The following KAZN variants were observed in gnomAD, a reference collection of about 807,000 sequenced individuals.
KAZN encodes kazrin.
KAZN carries 40 observed loss-of-function variants against 87.4 expected under a neutral mutation model. The observed-to-expected ratio is 0.46, with a 90% CI of 0.36 to 0.60. The LOEUF is 0.60. Among genes scored for constraint, KAZN ranks in the 20% least tolerant of loss-of-function variants. KAZN has a pLI of 0.00. For missense variants in KAZN, 898 were observed against 1,073.9 expected (o/e 0.84, Z 2.29); for synonymous variants, 466 against 458.3 (o/e 1.02, Z -0.22).
intron 1 of KAZN, among the ~76,000 whole-genome samples, chr1:14,147,690 G>T (rs557219564): frequency 6.6e-6 from 1 of 151,972 alleles, no homozygotes; most frequent in Admixed American, 6.5e-5. Flanking sequence ...CAGCTACTCG[G>T]CAGGCTGAGG....
At chr1:14,679,234 G>A (rs1338552420) in intron 1 of KAZN, among the ~76,000 whole-genome samples, 2 of 152,110 alleles carry the variant, frequency 1.3e-5, no homozygotes, top group Admixed American at 1.3e-4. Context: ...GGGTCGGTTA[G>A]CAGGCTGAAG....
intron 1 of KAZN, among the ~76,000 whole-genome samples, chr1:14,894,391 T>C (rs1172349210): frequency 6.6e-6 from 1 of 152,244 alleles, no homozygotes; most frequent in Non-Finnish European, 1.5e-5. Flanking sequence ...CTGAATCACT[T>C]TGTGCCTCAG....
intron 2 of KAZN, among the ~76,000 whole-genome samples, chr1:14,234,378 G>A (rs544917498): frequency 6.7e-6 from 1 of 148,444 alleles, no homozygotes; most frequent in Non-Finnish European, 1.5e-5. Context: ...CACAGGGAGG[G>A]GAACATCACA....
chr1:14,572,367 A>C (rs1490306692), intron 2 of KAZN, among the ~76,000 whole-genome samples: 1 of 152,190 alleles, frequency 6.6e-6, no homozygotes, highest in Non-Finnish European at 1.5e-5. Flanking sequence ...TTCAGAACCC[A>C]AGGGAAGAAG....
chr1:14,271,224 C>T (rs1380986815), intron 2 of KAZN, among the ~76,000 whole-genome samples: 1 of 152,200 alleles, frequency 6.6e-6, no homozygotes, highest in Non-Finnish European at 1.5e-5. Context: ...CTCATGACCT[C>T]ATTTTACCTT....
chr1:14,817,245 T>C (rs1044591342), intron 1 of KAZN, among the ~76,000 whole-genome samples: 1 of 152,178 alleles, frequency 6.6e-6, no homozygotes, highest in Non-Finnish European at 1.5e-5. Flanking sequence ...CCCTGCCAAA[T>C]ATGAGCTCCA....
chr1:14,420,651 G>A (rs534680154), intron 2 of KAZN, among the ~76,000 whole-genome samples: 13 of 152,368 alleles, frequency 8.5e-5, no homozygotes, highest in South Asian at 4.1e-4. Context: ...CTGCCATGCC[G>A]GGAGGCAGTT....
At chr1:14,757,650 C>A (rs533339237) in intron 1 of KAZN, among the ~76,000 whole-genome samples, 7 of 152,264 alleles carry the variant, frequency 4.6e-5, no homozygotes, top group African/African-American at 1.7e-4. Flanking sequence ...AAAACTGCTG[C>A]TTTTTAGGAA....
At chr1:14,420,623 C>T (rs550736226) in intron 2 of KAZN, among the ~76,000 whole-genome samples, 322 of 152,326 alleles carry the variant, frequency 2.1e-3, no homozygotes, top group Admixed American at 4.4e-3. Flanking sequence ...AGGCATGGCC[C>T]GCTGCAGGTC....
intron 1 of KAZN, among the ~76,000 whole-genome samples, chr1:14,618,219 C>T (rs947381735): frequency 1.3e-5 from 2 of 152,282 alleles, no homozygotes; most frequent in East Asian, 1.9e-4. Context: ...ATGGCCCCAG[C>T]CCCGGCGTGT....
chr1:15,072,859 A>G (rs1348475243), intron 8 of KAZN, among the ~76,000 whole-genome samples: 2 of 152,162 alleles, frequency 1.3e-5, no homozygotes, highest in Non-Finnish European at 2.9e-5. Context: ...GCTGAGCAAT[A>G]GAAAGCTTCA....
intron 1 of KAZN, among the ~76,000 whole-genome samples, chr1:14,905,736 C>T (rs888874704): frequency 3.3e-5 from 5 of 151,040 alleles, no homozygotes; most frequent in Admixed American, 2.0e-4. Flanking sequence ...CCCGGCTACT[C>T]GGGAGGCTGA....
At chr1:14,512,812 T>C (rs923635088) in intron 2 of KAZN, among the ~76,000 whole-genome samples, 1 of 152,180 alleles carries the variant, frequency 6.6e-6, no homozygotes, top group Non-Finnish European at 1.5e-5. Context: ...ATGGCAGTAT[T>C]TGCAGAGAGG....
At position 15,117,831 on chromosome 1, in the gene KAZN, G is replaced by A. The variant is rs1641894136; in HGVS notation, c.*3196G>A. ...TGCTGTGAAAGGAAAGGAGAAGAAAGCCTGTGGGCAATGGCAACCTCTGAG... is the reference window on the plus strand; with the variant it reads ...TGCTGTGAAAGGAAAGGAGAAGAAAACCTGTGGGCAATGGCAACCTCTGAG... On this transcript the variant is annotated 3_prime_UTR_variant, in exon 15 of 15. Coordinates refer to ENST00000376030, the MANE Select transcript of KAZN (RefSeq NM_201628.3). 1.3e-5 allele frequency: 2 copies of A among 152,404 alleles called. No individual in the cohort carries two copies. The highest frequency in any genetic ancestry group is 4.1e-4 in the South Asian group (2 of 4,824). 9.4% of individuals were successfully genotyped at this position (152,404 alleles called of 1,614,324 possible).
At chr1:14,557,103 G>C (rs1005433660) in intron 2 of KAZN, among the ~76,000 whole-genome samples, 1 of 151,986 alleles carries the variant, frequency 6.6e-6, no homozygotes, top group African/African-American at 2.4e-5. Context: ...ATCTGCCCTA[G>C]GACCAACAAA....
intron 2 of KAZN, among the ~76,000 whole-genome samples, chr1:14,226,718 G>A (rs1647326621): frequency 1.3e-5 from 2 of 152,134 alleles, no homozygotes; most frequent in African/African-American, 4.8e-5. Flanking sequence ...ATACTACATA[G>A]CCATAAAAAT....
At chr1:14,600,963 C>CAGTT (rs1557828386) in intron 1 of KAZN, among the ~76,000 whole-genome samples, 2 of 152,184 alleles carry the variant, frequency 1.3e-5, no homozygotes, top group Non-Finnish European at 2.9e-5. Flanking sequence ...CTGACATACT[C>CAGTT]GCGGATGGTT....
At chr1:14,995,754 C>G (rs925941819) in intron 2 of KAZN, among the ~76,000 whole-genome samples, 1 of 152,130 alleles carries the variant, frequency 6.6e-6, no homozygotes, top group Non-Finnish European at 1.5e-5. Context: ...ATGCCCCTTT[C>G]GGGAAGCTCT....
intron 2 of KAZN, among the ~76,000 whole-genome samples, chr1:15,006,781 G>T (rs921392556): frequency 6.6e-6 from 1 of 152,106 alleles, no homozygotes; most frequent in Non-Finnish European, 1.5e-5. Flanking sequence ...AAGGGGCTGG[G>T]CGCGGTGGCT....
Sources: gnomAD v4.1 joint callset for allele counts (sites outside exome capture counted in the v4.1 genomes callset) on GRCh38, gnomAD v4.1.1 for gene constraint, MANE v1.5 for transcripts, NCBI Gene and HGNC (gene_info 2026-07-23, HGNC 2026-07-21) for gene names.